POFUT3: variants seen among roughly 807,000 people sequenced by gnomAD.
The protein encoded by POFUT3 is protein O-fucosyltransferase 3.
At chr8:33,321,042 T>G in the POFUT3 span, among the ~76,000 whole-genome samples, 1 of 152,132 alleles carries the variant, frequency 6.6e-6, no homozygotes, top group African/African-American at 2.4e-5. Flanking sequence ...TAATGATTCA[T>G]AAGACCTCCA....
the POFUT3 span, chr8:33,461,259 G>C: frequency 2.5e-5 from 28 of 1,125,436 alleles, no homozygotes; most frequent in Non-Finnish European, 3.0e-5. Context: ...CCCTGATCCT[G>C]AACACCCCTG....
the POFUT3 span, among the ~76,000 whole-genome samples, chr8:33,360,471 A>AAAATAAAT: frequency 2.7e-5 from 4 of 150,754 alleles, no homozygotes; most frequent in East Asian, 2.0e-4. Context: ...AAATAAAAAT[A>AAAATAAAT]AAATAAATAA....
chr8:33,468,166 G>C, the POFUT3 span, among the ~76,000 whole-genome samples: 1 of 151,952 alleles, frequency 6.6e-6, no homozygotes, highest in Admixed American at 6.6e-5. Context: ...CTTGAACCTG[G>C]GAGGCAGAGG....
chr8:33,363,401 G>A, the POFUT3 span, among the ~76,000 whole-genome samples: 4 of 151,936 alleles, frequency 2.6e-5, no homozygotes, highest in South Asian at 8.3e-4. Flanking sequence ...CTAGCAGAAG[G>A]CAAGAAACAA....
the POFUT3 span, among the ~76,000 whole-genome samples, chr8:33,367,253 A>G: frequency 6.6e-6 from 1 of 152,194 alleles, no homozygotes; most frequent in Non-Finnish European, 1.5e-5. Flanking sequence ...GGCAAGGAAC[A>G]CCTGGTCCGC....
the POFUT3 span, among the ~76,000 whole-genome samples, chr8:33,446,495 G>A: frequency 1.1e-4 from 17 of 151,462 alleles, no homozygotes; most frequent in South Asian, 1.7e-3. Context: ...GTCCTTTGGC[G>A]CCTGGCACAG....
chr8:33,453,695 T>G, the POFUT3 span, among the ~76,000 whole-genome samples: 1 of 152,086 alleles, frequency 6.6e-6, no homozygotes, highest in East Asian at 1.9e-4. Flanking sequence ...GTAATCTCAG[T>G]GCGTCGTCAG....
chr8:33,392,736 C>G, the POFUT3 span, among the ~76,000 whole-genome samples: 1 of 151,762 alleles, frequency 6.6e-6, no homozygotes, highest in Non-Finnish European at 1.5e-5. Flanking sequence ...GTAATCCCAG[C>G]ACGTTGTGGG....
At chr8:33,419,177 C>A in the POFUT3 span, among the ~76,000 whole-genome samples, 8 of 152,158 alleles carry the variant, frequency 5.3e-5, no homozygotes, top group Non-Finnish European at 1.0e-4. Context: ...AGGGTGACTA[C>A]AGTTAGCAAC....
chr8:33,451,066 A>ATGTCTG, the POFUT3 span, among the ~76,000 whole-genome samples: 4 of 148,022 alleles, frequency 2.7e-5, no homozygotes, highest in African/African-American at 1.0e-4. Flanking sequence ...AAGGAGGTGT[A>ATGTCTG]TGTGTGTGTG....
At chr8:33,438,087 T>C in the POFUT3 span, among the ~76,000 whole-genome samples, 1 of 152,216 alleles carries the variant, frequency 6.6e-6, no homozygotes, top group African/African-American at 2.4e-5. Context: ...TTTACTGACG[T>C]TTTTATACCC....
the POFUT3 span, among the ~76,000 whole-genome samples, chr8:33,359,272 ATGT>A: frequency 6.6e-5 from 10 of 152,242 alleles, no homozygotes; most frequent in African/African-American, 2.4e-4. Context: ...TCAAAAAAAG[ATGT>A]TGTGGGAAAA....
the POFUT3 span, among the ~76,000 whole-genome samples, chr8:33,425,599 A>AG: frequency 6.6e-6 from 1 of 151,926 alleles, no homozygotes; most frequent in Admixed American, 6.6e-5. Context: ...AGCCAGAGGA[A>AG]GGGGGAGGGT....
At chr8:33,387,803 CA>C in the POFUT3 span, among the ~76,000 whole-genome samples, 1 of 149,368 alleles carries the variant, frequency 6.7e-6, no homozygotes, top group African/African-American at 2.5e-5. Context: ...GACTCGGTCT[CA>C]AAAAAAAAGA....
At chr8:33,380,004 CTATATATATAGTA>C in the POFUT3 span, among the ~76,000 whole-genome samples, 927 of 73,248 alleles carry the variant, frequency 0.013, 38 homozygotes, top group Non-Finnish European at 0.017. Context: ...TATATATATA[CTATATATATAGTA>C]TATATATATA....
chr8:33,461,493 T>A, the POFUT3 span: 40 of 1,612,826 alleles, frequency 2.5e-5, no homozygotes, highest in Non-Finnish European at 3.4e-5. Context: ...CTAACCTGGT[T>A]ACCAGGTGTT....
At chr8:33,422,157 A>G in the POFUT3 span, among the ~76,000 whole-genome samples, 2 of 151,830 alleles carry the variant, frequency 1.3e-5, no homozygotes, top group East Asian at 3.9e-4. Context: ...TCTCCCTGCC[A>G]AAATTCTGAC....
At chr8:33,403,126 T>C in the POFUT3 span, among the ~76,000 whole-genome samples, 1 of 151,924 alleles carries the variant, frequency 6.6e-6, no homozygotes, top group East Asian at 1.9e-4. Flanking sequence ...AGAAATTCTA[T>C]TGAGCTCAAA....
At chr8:33,453,363 C>T in the POFUT3 span, 13 of 1,614,046 alleles carry the variant, frequency 8.1e-6, no homozygotes, top group Non-Finnish European at 6.8e-6. Flanking sequence ...CTGTCCAATT[C>T]CCATTTTCTT....
Sources: gnomAD v4.1 joint callset for allele counts (sites outside exome capture counted in the v4.1 genomes callset) on GRCh38, gnomAD v4.1.1 for gene constraint, MANE v1.5 for transcripts, NCBI Gene and HGNC (gene_info 2026-07-23, HGNC 2026-07-21) for gene names.